The following TBC1D30 variants were observed in gnomAD, a reference collection of about 807,000 sequenced individuals.
TBC1D30 encodes the protein TBC1 domain family member 30, also known as TBC1 domain family, member 30.
In TBC1D30, 31 loss-of-function variants were observed where a neutral mutation model predicts 63.2. The ratio of observed to expected loss-of-function variants is 0.49; its 90% CI spans 0.37 to 0.66. TBC1D30 has a LOEUF of 0.66. Ranked by LOEUF, TBC1D30 falls within the 30% of genes least tolerant of loss-of-function variation. The pLI, the probability that TBC1D30 is intolerant of heterozygous loss-of-function variation, is 0.00. For missense variants in TBC1D30, 810 were observed against 953.6 expected (o/e 0.85, Z 1.98); for synonymous variants, 307 against 361.5 (o/e 0.85, Z 1.71).
At chr12:64,828,795 A>G (rs1244784567) in intron 3 of TBC1D30, among the ~76,000 whole-genome samples, 2 of 152,208 alleles carry the variant, frequency 1.3e-5, no homozygotes, top group African/African-American at 2.4e-5. Context: ...CATGGATAAA[A>G]ATAAAGTGTA....
At chr12:64,801,462 G>C (rs1397760592) in intron 2 of TBC1D30, among the ~76,000 whole-genome samples, 1 of 152,172 alleles carries the variant, frequency 6.6e-6, no homozygotes, top group African/African-American at 2.4e-5. Flanking sequence ...GGGACTGCTT[G>C]GGAAGGGGCA....
At position 64,771,245 on chromosome 12, in the gene TBC1D30, G is replaced by C. The variant is rs188015581; in HGVS notation, c.-376+11596G>C. 9.9e-4 allele frequency among the ~76,000 whole-genome samples: 150 copies of C among 151,954 alleles called. 1 individual carries two copies. Among genetic ancestry groups the C allele is most frequent in the Non-Finnish European group, 2.4e-4 (16 of 67,962 alleles). Reference sequence around the variant, plus strand: ...TGCAATGTGGTGCAAACCCCAATAGGAGGATCACAAGGCAGGCCCATAGGG... The same window carrying C: ...TGCAATGTGGTGCAAACCCCAATAGCAGGATCACAAGGCAGGCCCATAGGG... On this transcript the variant is annotated intron_variant, in intron 1 of 13. Coordinates refer to the TBC1D30 transcript ENST00000674237.
At chr12:64,864,415 G>C (rs890013088) in intron 8 of TBC1D30, among the ~76,000 whole-genome samples, 1 of 152,160 alleles carries the variant, frequency 6.6e-6, no homozygotes, top group African/African-American at 2.4e-5. Context: ...GCCCGTGATT[G>C]CCCACCCTTG....
Position 64,879,672 on chromosome 12 carries a change from T to G in TBC1D30, c.*3884T>G, listed in dbSNP as rs71467195. On this transcript the variant is annotated 3_prime_UTR_variant, in exon 12 of 12. Transcript: ENST00000539867. The stretch of plus-strand genomic sequence containing the variant: ...ACACCCATACCTCATTCCTGACTTT[T>G]AAAAGAAGCATTAAGTAAGATGTTG... 1.3e-5 allele frequency: 2 copies of G among 152,214 alleles called. No individual in the cohort carries two copies. The highest frequency in any genetic ancestry group is 4.8e-5 in the African/African-American group (2 of 41,470). The allele number at this position is 152,214 out of a possible 1,614,324, so 9.4% of individuals were successfully genotyped here. A position where few individuals can be genotyped will look rare whatever the true frequency, so the allele number is the denominator to read the frequency against.
chr12:64,786,172 A>G, intron 2 of TBC1D30: 1 of 548,412 alleles, frequency 1.8e-6, no homozygotes, highest in South Asian at 2.2e-5. Flanking sequence ...CTCAGAACTA[A>G]GAACAAGGAA....
intron 8 of TBC1D30, among the ~76,000 whole-genome samples, chr12:64,846,319 GT>G (rs1338525664): frequency 6.6e-6 from 1 of 151,974 alleles, no homozygotes; most frequent in Non-Finnish European, 1.5e-5. Flanking sequence ...TATTGTATTA[GT>G]TTCATAGTTT....
intron 2 of TBC1D30, among the ~76,000 whole-genome samples, chr12:64,800,120 A>C (rs1047041334): frequency 2.6e-4 from 39 of 152,280 alleles, no homozygotes; most frequent in African/African-American, 9.1e-4. Context: ...AAAACAAAAC[A>C]AAACAAAAGC....
Position 64,836,517 on chromosome 12 carries a change from C to G in TBC1D30, c.622C>G (p.Leu208Val). 6.5e-7 allele frequency: 1 copy of G among 1,535,778 alleles called. No individual in the cohort carries two copies. The highest frequency in any genetic ancestry group is 8.7e-7 in the Non-Finnish European group (1 of 1,146,716). ...TATGATTTACCTTATTGATAAGGTACTTCCCGAAAGCTATTTCGTCAATAA... is the reference window on the plus strand; with the variant it reads ...TATGATTTACCTTATTGATAAGGTAGTTCCCGAAAGCTATTTCGTCAATAA... ...KIMIYLIDKV[L>V]PESYFVNNLR... Residue 208 changes from leucine (L) to valine (V), a missense_variant, in exon 6 of 12, where the codon CTT becomes GTT. Coordinates refer to ENST00000539867, the MANE Select transcript of TBC1D30 (RefSeq NM_015279.2).
At chr12:64,865,995 A>G (rs189686457) in intron 9 of TBC1D30, among the ~76,000 whole-genome samples, 8 of 152,036 alleles carry the variant, frequency 5.3e-5, no homozygotes, top group African/African-American at 1.9e-4. Flanking sequence ...TTAGTCTCCT[A>G]AGTAGCTGGG....
At position 64,795,967 on chromosome 12, in the gene TBC1D30, G is replaced by A. The variant is rs573003216; in HGVS notation, c.643+9922G>A. The stretch of plus-strand genomic sequence containing the variant: ...AAATTGTGAATTTAATTACAAATTT[G>A]TTAATATTGATAACCGTTTTAGGTA... On this transcript the variant is annotated intron_variant, in intron 2 of 12. Transcript: ENST00000542120. Among the ~76,000 whole-genome samples, 7 of 151,930 alleles carry A rather than the reference G, an allele frequency of 4.6e-5. No homozygotes were observed. The South Asian group carries it at 1.5e-3, about 32-fold the overall frequency.
In TBC1D30 at chr12:64,824,757, C is replaced by A; in HGVS notation, c.-123C>A. ...TCCAGCACCAGCCGGCTGTGCGCTC[C>A]CTGCTCCCACGGGCCGGTCAGCCGC... On this transcript the variant is annotated 5_prime_UTR_variant, in exon 1 of 12. Coordinates refer to ENST00000539867, the MANE Select transcript of TBC1D30 (RefSeq NM_015279.2). The A allele has an allele frequency of 7.4e-7, 1 of 1,342,496 alleles. No homozygotes were observed. Among genetic ancestry groups the A allele is most frequent in the South Asian group, 1.5e-5 (1 of 65,536 alleles). 83.2% of individuals were successfully genotyped at this position (1,342,496 alleles called of 1,614,324 possible).
At chr12:64,842,864 A>G (rs1359549390) in intron 7 of TBC1D30, among the ~76,000 whole-genome samples, 2 of 152,224 alleles carry the variant, frequency 1.3e-5, no homozygotes, top group African/African-American at 4.8e-5. Flanking sequence ...AGTGCCAAGT[A>G]GGAATGACAG....
intron 8 of TBC1D30, among the ~76,000 whole-genome samples, chr12:64,860,661 C>T (rs762275050): frequency 3.9e-5 from 6 of 151,984 alleles, no homozygotes; most frequent in Non-Finnish European, 7.4e-5. Context: ...GACATTTGGC[C>T]CATGGGTGGT....
At chr12:64,864,546 G>A in intron 8 of TBC1D30, 122 bp from the exon 9 acceptor site, 1 of 636,258 alleles carries the variant, frequency 1.6e-6, no homozygotes, top group Non-Finnish European at 2.7e-6. Flanking sequence ...TCCACCTGCT[G>A]TGTAAGGAGC....
chr12:64,810,507 G>A (rs1467425891), intron 2 of TBC1D30, among the ~76,000 whole-genome samples: 2 of 152,200 alleles, frequency 1.3e-5, no homozygotes, highest in Non-Finnish European at 2.9e-5. Context: ...GGAGGTTGGG[G>A]TGGGAGAATC....
intron 11 of TBC1D30, among the ~76,000 whole-genome samples, chr12:64,874,380 A>G (rs1048942121): frequency 6.6e-6 from 1 of 152,172 alleles, no homozygotes; most frequent in Admixed American, 6.5e-5. Context: ...GAACCACGGC[A>G]CCTAGCTGAG....
chr12:64,762,437 T>G (rs1338203419), intron 1 of TBC1D30, among the ~76,000 whole-genome samples: 1 of 152,094 alleles, frequency 6.6e-6, no homozygotes, highest in African/African-American at 2.4e-5. Context: ...GTAGACCAAT[T>G]AGGTAGAGAG....
At chr12:64,770,807 G>T (rs959021252) in intron 1 of TBC1D30, among the ~76,000 whole-genome samples, 1 of 151,198 alleles carries the variant, frequency 6.6e-6, no homozygotes, top group Non-Finnish European at 1.5e-5. Context: ...GGGCTCAAGC[G>T]ACTCCCCTTC....
chr12:64,840,284 G>T (rs1032992158), intron 7 of TBC1D30, among the ~76,000 whole-genome samples: 2 of 152,172 alleles, frequency 1.3e-5, no homozygotes, highest in African/African-American at 4.8e-5. Flanking sequence ...TTCTTTGGGT[G>T]TGGTAGTCCA....
Sources: gnomAD v4.1 joint callset for allele counts (sites outside exome capture counted in the v4.1 genomes callset) on GRCh38, gnomAD v4.1.1 for gene constraint, MANE v1.5 for transcripts, NCBI Gene and HGNC (gene_info 2026-07-23, HGNC 2026-07-21) for gene names.